TLK2: variants seen among roughly 807,000 people sequenced by gnomAD.
TLK2 encodes tousled like kinase 2.
In TLK2, 6 loss-of-function variants were observed where a neutral mutation model predicts 117.3. The observed-to-expected ratio is 0.05, with a 90% CI of 0.03 to 0.10. The LOEUF is 0.10. TLK2 is among the 10% of genes least tolerant of loss of function. The pLI, the probability that TLK2 is intolerant of heterozygous loss-of-function variation, is 1.00. For synonymous variants in TLK2, 257 were observed against 316.7 expected (o/e 0.81, Z 2.00); for missense variants, 299 against 901.2 (o/e 0.33, Z 8.56).
chr17:62,563,905 G>A (rs2079510931), intron 10 of TLK2, among the ~76,000 whole-genome samples: 1 of 152,118 alleles, frequency 6.6e-6, no homozygotes, highest in South Asian at 2.1e-4. Context: ...GGTTTTTCTT[G>A]TCTGGATCCA....
chr17:62,564,906 T>C (rs1055753575), intron 10 of TLK2, 95 bp from the exon 11 acceptor site: 20 of 1,444,540 alleles, frequency 1.4e-5, no homozygotes, highest in Middle Eastern at 2.2e-4. Context: ...TTCAATAATA[T>C]GTTTCCTGAT....
intron 16 of TLK2, among the ~76,000 whole-genome samples, chr17:62,593,746 G>A (rs1473547246): frequency 7.1e-6 from 1 of 141,364 alleles, no homozygotes; most frequent in African/African-American, 2.6e-5. Context: ...AGGCTGTTTT[G>A]TAGTTAATTT....
At chr17:62,600,401 G>A in intron 17 of TLK2, 1 of 390,324 alleles carries the variant, frequency 2.6e-6, no homozygotes, top group Non-Finnish European at 4.6e-6. Context: ...TCAAGAAGAG[G>A]TCTGCCATGG....
intron 2 of TLK2, among the ~76,000 whole-genome samples, chr17:62,519,839 C>T (rs1216448028): frequency 6.6e-6 from 1 of 152,046 alleles, no homozygotes; most frequent in African/African-American, 2.4e-5. Flanking sequence ...CTGTTTTATG[C>T]CCTGGGTCTC....
chr17:62,565,183 G>A (rs772942389), intron 11 of TLK2, 46 bp downstream of exon 11: 1 of 1,571,412 alleles, frequency 6.4e-7, no homozygotes, highest in South Asian at 1.2e-5. Context: ...AAGTTCGTTT[G>A]CATTTTTTAG....
intron 7 of TLK2, among the ~76,000 whole-genome samples, chr17:62,546,940 C>G (rs907787022): frequency 6.6e-6 from 1 of 152,060 alleles, no homozygotes; most frequent in African/African-American, 2.4e-5. Context: ...ATTTAACCCA[C>G]CTATTAAATT....
chr17:62,489,976 G>A (rs1212052461), intron 2 of TLK2, among the ~76,000 whole-genome samples: 1 of 152,038 alleles, frequency 6.6e-6, no homozygotes, highest in Non-Finnish European at 1.5e-5. Context: ...AATTACAGGC[G>A]CCCACCACCA....
chr17:62,489,161 G>A (rs1318894737), intron 2 of TLK2, among the ~76,000 whole-genome samples: 1 of 139,948 alleles, frequency 7.1e-6, no homozygotes, highest in Non-Finnish European at 1.5e-5. Flanking sequence ...TTGCTGTTCT[G>A]TATTTAATTG....
chr17:62,558,452 G>A (rs996644422), intron 9 of TLK2, among the ~76,000 whole-genome samples: 6 of 152,140 alleles, frequency 3.9e-5, no homozygotes, highest in African/African-American at 1.2e-4. Flanking sequence ...CATGAGCCAC[G>A]CTCACCAGCT....
chr17:62,488,073 G>A (rs1378659987), intron 2 of TLK2, among the ~76,000 whole-genome samples: 1 of 151,956 alleles, frequency 6.6e-6, no homozygotes, highest in African/African-American at 2.4e-5. Context: ...CCGAGTGGCT[G>A]GGAGGTGCCC....
intron 2 of TLK2, among the ~76,000 whole-genome samples, chr17:62,491,355 G>A (rs567719147): frequency 6.6e-6 from 1 of 152,120 alleles, no homozygotes; most frequent in African/African-American, 2.4e-5. Context: ...TTTAAGAAAG[G>A]CCATGAGAGG....
At position 62,596,637 on chromosome 17, in the gene TLK2, G is replaced by A; in HGVS notation, c.1513G>A (p.Val505Ile). Residue 505 changes from valine to isoleucine, a missense_variant, in exon 17 of 22, where the codon GTT becomes ATT. Val to Ile is a conservative substitution (Grantham distance 29). This residue lies in a region of TLK2 where 81 missense variants were observed against 370.9 expected (regional missense o/e 0.22). Transcript: ENST00000346027. ...IHKELDHPRI[V>I]KLYDYFSLDT... ...TAAAGAGCTGGATCATCCCAGAATA[G>A]TTAAGCTGTATGATTACTTTTCACT... The A allele has an allele frequency of 6.2e-7, 1 of 1,614,172 alleles. No homozygotes were observed. The highest frequency in any genetic ancestry group is 8.5e-7 in the Non-Finnish European group (1 of 1,180,024).
At chr17:62,530,198 CG>C (rs1294318844) in intron 6 of TLK2, among the ~76,000 whole-genome samples, 1 of 151,666 alleles carries the variant, frequency 6.6e-6, no homozygotes, top group Non-Finnish European at 1.5e-5. Context: ...CTCTTGAACC[CG>C]GGAGGCAGAG....
chr17:62,473,255 G>T (rs946518465), intron 1 of TLK2, among the ~76,000 whole-genome samples: 1 of 152,152 alleles, frequency 6.6e-6, no homozygotes, highest in Non-Finnish European at 1.5e-5. Flanking sequence ...GAGATCGGGG[G>T]TGGTGACTTC....
intron 7 of TLK2, among the ~76,000 whole-genome samples, chr17:62,548,238 A>ATGTGTGTGTG (rs141908103): frequency 0.059 from 6,624 of 111,356 alleles, 240 homozygotes; most frequent in Non-Finnish European, 0.083. Context: ...ATATATATAT[A>ATGTGTGTGTG]TATGTGTGTG....
At chr17:62,593,170 A>C (rs2082203482) in intron 16 of TLK2, among the ~76,000 whole-genome samples, 1 of 152,164 alleles carries the variant, frequency 6.6e-6, no homozygotes, top group Non-Finnish European at 1.5e-5. Flanking sequence ...ATCTAAGCAT[A>C]TCTAAGCATA....
chr17:62,607,524 A>T (rs1244148337), intron 20 of TLK2, among the ~76,000 whole-genome samples: 1 of 151,652 alleles, frequency 6.6e-6, no homozygotes, highest in Admixed American at 6.6e-5. Context: ...GCGAGACTCC[A>T]TCTCAAAAAA....
chr17:62,481,819 G>T (rs1159086155), intron 2 of TLK2, among the ~76,000 whole-genome samples: 3 of 152,128 alleles, frequency 2.0e-5, no homozygotes, highest in Non-Finnish European at 2.9e-5. Flanking sequence ...CTCATAGGAT[G>T]ATTTTACAAT....
At chr17:62,530,165 T>A (rs2076645501) in intron 6 of TLK2, among the ~76,000 whole-genome samples, 1 of 151,996 alleles carries the variant, frequency 6.6e-6, no homozygotes, top group African/African-American at 2.4e-5. Flanking sequence ...TCCCTGCCAC[T>A]CAGGAGGCTG....
Sources: allele counts gnomAD v4.1 joint callset (sites outside exome capture counted in the v4.1 genomes callset), GRCh38; gene constraint gnomAD v4.1.1; regional missense constraint gnomAD v4.1.1; transcripts MANE v1.5; gene names NCBI Gene and HGNC (gene_info 2026-07-23, HGNC 2026-07-21).